FAM135B: variants seen among roughly 807,000 people sequenced by gnomAD.
FAM135B encodes the protein family with sequence similarity 135 member B, also known as protein FAM135B.
In FAM135B, 43 loss-of-function variants were observed where a neutral mutation model predicts 127.7. The ratio of observed to expected loss-of-function variants is 0.34; its 90% CI spans 0.26 to 0.43. FAM135B has a LOEUF of 0.43. Among genes scored for constraint, FAM135B ranks in the 20% least tolerant of loss-of-function variants. The probability of loss-of-function intolerance (pLI) is 1.00; values close to 1 mark genes in which losing one functional copy is unlikely to be tolerated. For synonymous variants in FAM135B, 670 were observed against 665.1 expected (o/e 1.01, Z -0.11); for missense variants, 1,558 against 1,725.6 (o/e 0.90, Z 1.72).
At chr8:138,162,526 G>C (rs1819502582) in intron 12 of FAM135B, among the ~76,000 whole-genome samples, 1 of 152,212 alleles carries the variant, frequency 6.6e-6, no homozygotes, top group Non-Finnish European at 1.5e-5. Context: ...TGTTGATAAT[G>C]AAGAAGGCTA....
At chr8:138,202,210 G>T (rs1472313435) in intron 7 of FAM135B, among the ~76,000 whole-genome samples, 2 of 151,074 alleles carry the variant, frequency 1.3e-5, no homozygotes, top group Non-Finnish European at 2.9e-5. Flanking sequence ...GGTTAAATAT[G>T]GAGTCTGCAA....
chr8:138,445,832 G>C (rs539955837), intron 1 of FAM135B, among the ~76,000 whole-genome samples: 110 of 152,148 alleles, frequency 7.2e-4, no homozygotes, highest in Non-Finnish European at 1.1e-3. Flanking sequence ...AGAAATAAAG[G>C]GTATTCAGTT....
chr8:138,238,754 C>G (rs1392241868), intron 7 of FAM135B, among the ~76,000 whole-genome samples: 1 of 152,142 alleles, frequency 6.6e-6, no homozygotes, highest in African/African-American at 2.4e-5. Flanking sequence ...TACAAAGCTC[C>G]CAGGGGAGGT....
intron 1 of FAM135B, among the ~76,000 whole-genome samples, chr8:138,406,983 G>A (rs1340494675): frequency 3.1e-4 from 46 of 150,706 alleles, no homozygotes; most frequent in South Asian, 6.3e-4. Context: ...GTTTGCAGAC[G>A]ACATGATTGT....
At chr8:138,352,179 C>A (rs1829825053) in intron 2 of FAM135B, among the ~76,000 whole-genome samples, 2 of 152,142 alleles carry the variant, frequency 1.3e-5, no homozygotes, top group Non-Finnish European at 2.9e-5. Context: ...TTCACCCAGG[C>A]AATGAAGCTT....
intron 7 of FAM135B, among the ~76,000 whole-genome samples, chr8:138,207,991 T>A (rs2129780395): frequency 6.6e-6 from 1 of 152,320 alleles, no homozygotes; most frequent in Non-Finnish European, 1.5e-5. Context: ...CCTATCCAAT[T>A]GGTTCAGCAC....
At chr8:138,173,988 G>A (rs538348453) in intron 11 of FAM135B, among the ~76,000 whole-genome samples, 78 of 152,220 alleles carry the variant, frequency 5.1e-4, no homozygotes, top group Non-Finnish European at 9.3e-4. Flanking sequence ...TGTGACCCGT[G>A]GCGAAAGATG....
chr8:138,451,862 A>G (rs1403543974), intron 1 of FAM135B, among the ~76,000 whole-genome samples: 1 of 152,192 alleles, frequency 6.6e-6, no homozygotes, highest in Non-Finnish European at 1.5e-5. Flanking sequence ...ATGGGTAAAT[A>G]CAGGAATGAG....
intron 1 of FAM135B, among the ~76,000 whole-genome samples, chr8:138,415,472 C>T (rs1218701977): frequency 6.6e-6 from 1 of 152,148 alleles, no homozygotes; most frequent in South Asian, 2.1e-4. Context: ...CAGTATGGAA[C>T]TTTCCAGGCC....
chr8:138,339,189 A>G (rs1436432794), intron 2 of FAM135B, among the ~76,000 whole-genome samples: 1 of 151,986 alleles, frequency 6.6e-6, no homozygotes, highest in Non-Finnish European at 1.5e-5. Context: ...CAGTACACCA[A>G]CATGGCACAT....
Position 138,227,718 on chromosome 8 carries a change from T to C in FAM135B, c.669+15224A>G, listed in dbSNP as rs1317602401. Among the ~76,000 whole-genome samples the C allele has an allele frequency of 3.2e-4, 43 of 135,566 alleles. No homozygotes were observed. In the East Asian group the frequency reaches 6.2e-3, roughly 19 times the overall value. The allele number at this position is 135,566 out of a possible 152,430, so 88.9% of individuals were successfully genotyped here. A position where few individuals can be genotyped will look rare whatever the true frequency, so the allele number is the denominator to read the frequency against. ...GTGTGTTTTAATTTTGTCTCTCTTT[T>C]TTTTTTTTTTTTTTTTTTTTGGTGG... On this transcript the variant is annotated intron_variant, in intron 7 of 19. Transcript: ENST00000395297.
At chr8:138,312,135 CG>C (rs930832754) in intron 2 of FAM135B, among the ~76,000 whole-genome samples, 2 of 151,988 alleles carry the variant, frequency 1.3e-5, no homozygotes, top group African/African-American at 4.8e-5. Flanking sequence ...TTAGTAGAGA[CG>C]GGGTTTCACC....
chr8:138,212,516 T>C (rs1402345058), intron 7 of FAM135B, among the ~76,000 whole-genome samples: 1 of 152,246 alleles, frequency 6.6e-6, no homozygotes, highest in African/African-American at 2.4e-5. Flanking sequence ...TTTTCAGGAT[T>C]ATAGACAGAT....
intron 3 of FAM135B, among the ~76,000 whole-genome samples, chr8:138,273,134 T>C (rs1172428954): frequency 6.6e-6 from 1 of 152,216 alleles, no homozygotes; most frequent in African/African-American, 2.4e-5. Flanking sequence ...TATTACAAAT[T>C]ATCCAGCATA....
chr8:138,302,066 G>T (rs1420512877), intron 3 of FAM135B, among the ~76,000 whole-genome samples: 1 of 152,092 alleles, frequency 6.6e-6, no homozygotes, highest in African/African-American at 2.4e-5. Flanking sequence ...GTTGATGAGG[G>T]TTCCTCATGT....
In FAM135B at chr8:138,131,439, G is replaced by T. The variant is rs1816209489; in HGVS notation, c.*1154C>A. The T allele has an allele frequency of 6.6e-6, 1 of 152,652 alleles. No homozygotes were observed. Among genetic ancestry groups the T allele is most frequent in the Non-Finnish European group, 1.5e-5 (1 of 68,048 alleles). The allele number at this position is 152,652 out of a possible 1,614,324, so 9.5% of individuals were successfully genotyped here. ...ACTTACCAATAACAGCTTATGTTGA[G>T]TCTTCAGTCTGGTTGTTCTCCTCCT... On this transcript the variant is annotated 3_prime_UTR_variant, in exon 20 of 20. Transcript: ENST00000395297.
intron 11 of FAM135B, among the ~76,000 whole-genome samples, chr8:138,176,630 T>C (rs891608725): frequency 1.3e-5 from 2 of 152,164 alleles, no homozygotes; most frequent in Admixed American, 6.5e-5. Context: ...GGTGAAAAAG[T>C]CTCCACGTCC....
rs528448226 is a variant in FAM135B at position 138,458,239 on chromosome 8, G to A, written c.-20+38432C>T. Among the ~76,000 whole-genome samples, 11 of 152,334 alleles carry A rather than the reference G, an allele frequency of 7.2e-5. No individual in the cohort carries two copies. In the South Asian group the frequency reaches 2.3e-3, roughly 32 times the overall value. On this transcript the variant is annotated intron_variant, in intron 1 of 19. Coordinates refer to ENST00000395297, the MANE Select transcript of FAM135B (RefSeq NM_015912.4). Reference sequence around the variant, plus strand: ...CATACTAAATTACAAGCTCTGTGAAGGTGGGAATGTTGTCTTTTTTCTGTT... The same window carrying A: ...CATACTAAATTACAAGCTCTGTGAAAGTGGGAATGTTGTCTTTTTTCTGTT...
chr8:138,428,110 C>G lies in FAM135B; in HGVS notation c.-19-60108G>C, dbSNP rs570981820. Among the ~76,000 whole-genome samples, 7 of 152,194 alleles carry G rather than the reference C, an allele frequency of 4.6e-5. No homozygotes were observed. The East Asian group carries it at 1.4e-3, about 29-fold the overall frequency. ...AAATGTTTTATGTTAATTTATAATC[C>G]AATCATCCCCTGGAATAGTACTGAT... On this transcript the variant is annotated intron_variant, in intron 1 of 19. Transcript: ENST00000395297.
Sources: gnomAD v4.1 joint callset for allele counts (sites outside exome capture counted in the v4.1 genomes callset) on GRCh38, gnomAD v4.1.1 for gene constraint, MANE v1.5 for transcripts, NCBI Gene and HGNC (gene_info 2026-07-23, HGNC 2026-07-21) for gene names.